Variants in ZNRF3 observed in about 807,000 individuals in gnomAD.
ZNRF3 encodes E3 ubiquitin-protein ligase ZNRF3.
Under a neutral mutation model 72.5 loss-of-function variants are expected in ZNRF3, and 23 were observed. The ratio of observed to expected loss-of-function variants is 0.32; its 90% confidence interval spans 0.23 to 0.45. The LOEUF (loss-of-function observed/expected upper bound fraction) is 0.45. Ranked by LOEUF, ZNRF3 falls within the 20% of genes least tolerant of loss-of-function variation. The pLI, the probability that ZNRF3 is intolerant of heterozygous loss-of-function variation, is 1.00. For missense variants in ZNRF3, 1,169 were observed against 1,272.1 expected (o/e 0.92, Z 1.23); for synonymous variants, 610 against 545.3 (o/e 1.12, Z -1.65).
At position 29,049,792 on chromosome 22, in the gene ZNRF3, G is replaced by A. The variant is rs776123766; in HGVS notation, c.1611G>A (p.Ser537=). 9 of 1,605,808 alleles carry A rather than the reference G, an allele frequency of 5.6e-6. No individual in the cohort carries two copies. The Admixed American group carries it at 8.4e-5, about 15-fold the overall frequency. Residue 537 remains serine, a synonymous_variant, in exon 8 of 9, where the codon TCG becomes TCA. Transcript: ENST00000544604. This position sits in a 1 kb window ranked among gnomAD's most constrained non-coding sequence, Gnocchi z 5.2. ...SSFSCYHGHR[S]VCSGYLADCP... is the part of the protein sequence containing the mutation. ...TCAGCTGCTATCACGGCCACCGCTC[G>A]GTGTGCAGTGGCTACCTGGCCGACT...
At chr22:28,944,003 G>T (rs1397335671) in intron 1 of ZNRF3, among the ~76,000 whole-genome samples, 1 of 144,540 alleles carries the variant, frequency 6.9e-6, no homozygotes, top group Non-Finnish European at 1.5e-5. Context: ...AATTCCAAAA[G>T]AACCCCGGAT....
intron 1 of ZNRF3, among the ~76,000 whole-genome samples, chr22:28,948,162 TA>T (rs202085013): frequency 1.3e-5 from 2 of 150,668 alleles, no homozygotes; most frequent in East Asian, 2.0e-4. Flanking sequence ...GTTTTTTATT[TA>T]AAAAAAAATT....
At chr22:29,044,314 A>G (rs887939219) in intron 4 of ZNRF3, among the ~76,000 whole-genome samples, 1 of 152,200 alleles carries the variant, frequency 6.6e-6, no homozygotes, top group African/African-American at 2.4e-5. Context: ...CGCTTTGGTA[A>G]ATATGACTCA....
intron 2 of ZNRF3, among the ~76,000 whole-genome samples, chr22:28,998,082 C>A (rs565321084): frequency 4.6e-4 from 70 of 151,368 alleles, no homozygotes; most frequent in Non-Finnish European, 7.2e-4. Context: ...AGCGGATCAC[C>A]TGAGGTCAGG....
chr22:28,907,508 T>A (rs1352275864), intron 1 of ZNRF3, among the ~76,000 whole-genome samples: 2 of 152,198 alleles, frequency 1.3e-5, no homozygotes, highest in African/African-American at 2.4e-5. Flanking sequence ...GGCCGCATGG[T>A]TCCCCACAGT....
chr22:29,020,761 T>TGTGTGTGTGTG (rs1569284112), intron 2 of ZNRF3, among the ~76,000 whole-genome samples: 47 of 42,976 alleles, frequency 1.1e-3, no homozygotes, highest in Admixed American at 5.1e-3. Flanking sequence ...GGGGCTTTGT[T>TGTGTGTGTGTG]TTTGTGTGTG....
chr22:29,044,034 A>G (rs1384348760), intron 4 of ZNRF3, among the ~76,000 whole-genome samples: 1 of 152,246 alleles, frequency 6.6e-6, no homozygotes, highest in Admixed American at 6.5e-5. Flanking sequence ...GAAGAATTCC[A>G]GGAACCTTGG....
chr22:28,905,115 T>C (rs767707318), intron 1 of ZNRF3, among the ~76,000 whole-genome samples: 5 of 152,158 alleles, frequency 3.3e-5, no homozygotes, highest in Middle Eastern at 3.4e-3. Flanking sequence ...TTTTCACTTT[T>C]TTATAGAGAT....
At chr22:28,924,083 G>C (rs1397895180) in intron 1 of ZNRF3, among the ~76,000 whole-genome samples, 1 of 152,258 alleles carries the variant, frequency 6.6e-6, no homozygotes, top group Non-Finnish European at 1.5e-5. Context: ...CCCAGAATGA[G>C]AGCTCTCTGC....
chr22:28,981,318 C>G (rs1214968431), intron 1 of ZNRF3, among the ~76,000 whole-genome samples: 1 of 152,082 alleles, frequency 6.6e-6, no homozygotes, highest in Non-Finnish European at 1.5e-5. Context: ...AGATAAGGAC[C>G]TTGGGATCTT....
intron 1 of ZNRF3, among the ~76,000 whole-genome samples, chr22:28,887,886 G>A (rs577119295): frequency 1.3e-5 from 2 of 152,296 alleles, no homozygotes; most frequent in East Asian, 1.9e-4. Flanking sequence ...ATTAAACACC[G>A]GCTAGTGGTA....
At chr22:28,901,900 T>G (rs1370570390) in intron 1 of ZNRF3, among the ~76,000 whole-genome samples, 1 of 151,394 alleles carries the variant, frequency 6.6e-6, no homozygotes, top group Non-Finnish European at 1.5e-5. Flanking sequence ...CACTATTTTG[T>G]GAGTATTCCT....
At chr22:29,016,677 A>C (rs973468259) in intron 2 of ZNRF3, among the ~76,000 whole-genome samples, 1 of 152,172 alleles carries the variant, frequency 6.6e-6, no homozygotes, top group African/African-American at 2.4e-5. Context: ...TTCAAAGGAG[A>C]TGTTTTCATA....
chr22:29,020,401 C>G (rs374241026), intron 2 of ZNRF3, among the ~76,000 whole-genome samples: 4 of 151,770 alleles, frequency 2.6e-5, no homozygotes, highest in East Asian at 1.9e-4. Flanking sequence ...GCTGGGACTA[C>G]AGGTGCATGC....
chr22:28,971,236 T>C (rs978105043), intron 1 of ZNRF3, among the ~76,000 whole-genome samples: 3 of 151,902 alleles, frequency 2.0e-5, no homozygotes, highest in African/African-American at 7.3e-5. Flanking sequence ...ATATGAACAA[T>C]GACAGCATTC....
chr22:28,928,441 C>T (rs997710453), intron 1 of ZNRF3, among the ~76,000 whole-genome samples: 6 of 151,308 alleles, frequency 4.0e-5, no homozygotes, highest in East Asian at 1.9e-4. Context: ...GCCATTGTCA[C>T]ACCGAAGAAC....
rs139151059 is a variant in ZNRF3 at position 29,015,708 on chromosome 22, T to C, written c.427-26787T>C. Among the ~76,000 whole-genome samples the C allele has an allele frequency of 3.1e-3, 474 of 150,522 alleles. 8 individuals are homozygous for C. The highest frequency in any genetic ancestry group is 0.011 in the East Asian group (57 of 5,126). On this transcript the variant is annotated intron_variant, in intron 2 of 8. Transcript: ENST00000544604. ...AAAAATCCTTCCAGACTTCTTTCCC[T>C]CTCCCGTGGTTTTAGGAAGGGAAGG... is the stretch of plus-strand genomic sequence containing the variant.
At chr22:28,903,226 A>T (rs552400925) in intron 1 of ZNRF3, among the ~76,000 whole-genome samples, 2 of 152,292 alleles carry the variant, frequency 1.3e-5, no homozygotes, top group African/African-American at 4.8e-5. Flanking sequence ...TCAGTCGGGC[A>T]CGTGTGCACA....
chr22:28,934,371 G>A (rs2034780663), intron 1 of ZNRF3, among the ~76,000 whole-genome samples: 2 of 152,150 alleles, frequency 1.3e-5, no homozygotes, highest in African/African-American at 2.4e-5. Flanking sequence ...GATAGCCATC[G>A]CTCAACTCTC....
Sources: allele counts gnomAD v4.1 joint callset (sites outside exome capture counted in the v4.1 genomes callset), GRCh38; gene constraint gnomAD v4.1.1; non-coding constraint Gnocchi (gnomAD v3.1); transcripts MANE v1.5; gene names NCBI Gene and HGNC (gene_info 2026-07-23, HGNC 2026-07-21).